The following OR2M4 variants were observed in gnomAD, a reference collection of about 807,000 sequenced individuals.
OR2M4 encodes olfactory receptor family 2 subfamily M member 4, also known as olfactory receptor 2M4.
Under a neutral mutation model 13.7 loss-of-function variants are expected in OR2M4, and 8 were observed. That is an observed-to-expected ratio of 0.58 (90% CI 0.34 to 1.05). The LOEUF (loss-of-function observed/expected upper bound fraction) is 1.05, where lower values mean the gene tolerates loss of function less well. Ranked by LOEUF, OR2M4 falls within the 50% of genes least tolerant of loss-of-function variation. The pLI is 0.02. For missense variants in OR2M4, 374 were observed against 381.6 expected, an observed-to-expected ratio of 0.98 and a Z score of 0.17; for synonymous variants, 152 against 141.3, an observed-to-expected ratio of 1.08 and a Z score of -0.53.
chr1:248,235,685 G>GAGGGCCC, intron 1 of OR2M4, among the ~76,000 whole-genome samples: 1 of 152,182 alleles, frequency 6.6e-6, no homozygotes, highest in Non-Finnish European at 1.5e-5. Context: ...TTGAGCAGTG[G>GAGGGCCC]TTTGCAGTTC....
chr1:248,232,858 C>A (rs74155235), intron 1 of OR2M4, among the ~76,000 whole-genome samples: 5,160 of 152,106 alleles, frequency 0.034, 250 homozygotes, highest in African/African-American at 0.11. Context: ...CTCTACATCT[C>A]TGCAGGATTA....
In OR2M4 at chr1:248,239,493, T is replaced by G; in HGVS notation, c.565T>G (p.Cys189Gly). Residue 189 changes from cysteine (C) to glycine (G), a missense_variant, in exon 2 of 2, where the codon TGC becomes GGC. By Grantham distance (159) the Cys-to-Gly change is radical. Coordinates refer to ENST00000641868, the MANE Select transcript of OR2M4 (RefSeq NM_017504.2). ...TGTTGCTGCCCTTTTACCTCTATCCTGCACAGAAACATCTGCATTTGAAAG... is the reference window on the plus strand; with the variant it reads ...TGTTGCTGCCCTTTTACCTCTATCCGGCACAGAAACATCTGCATTTGAAAG... The part of the protein sequence containing the change: ...CDVAALLPLS[C>G]TETSAFERLL... 1 of 1,614,154 alleles carries G rather than the reference T, an allele frequency of 6.2e-7. No homozygotes were observed.
rs1475390544 is a variant in OR2M4, at chr1:248,243,369, C to T, written c.*3505C>T. 6.6e-6 allele frequency: 1 copy of T among 152,140 alleles called. No individual in the cohort carries two copies. Among genetic ancestry groups the T allele is most frequent in the African/African-American group, 2.4e-5 (1 of 41,406 alleles). 9.4% of individuals were successfully genotyped at this position (152,140 alleles called of 1,614,324 possible). On this transcript the variant is annotated 3_prime_UTR_variant, in exon 2 of 2. Coordinates refer to ENST00000641868, the MANE Select transcript of OR2M4 (RefSeq NM_017504.2). ...CGGCCACTTGGCTCTTTCGTGTTTC[C>T]TGGCATTCGCAGGCACGCTGTCCGG...
intron 1 of OR2M4, among the ~76,000 whole-genome samples, chr1:248,234,739 G>A (rs960179440): frequency 1.3e-5 from 2 of 149,218 alleles, no homozygotes; most frequent in Non-Finnish European, 1.5e-5. Flanking sequence ...TGGTTTTGAT[G>A]TGCATTTCTC....
chr1:248,238,141 A>G (rs1666576816), intron 1 of OR2M4, among the ~76,000 whole-genome samples: 1 of 152,234 alleles, frequency 6.6e-6, no homozygotes, highest in Non-Finnish European at 1.5e-5. Context: ...TACAACTTTA[A>G]TGTATCAACT....
In OR2M4 at chr1:248,239,629, G is replaced by T; in HGVS notation, c.701G>T (p.Arg234Leu). 2 of 1,613,976 alleles carry T rather than the reference G, an allele frequency of 1.2e-6. No individual in the cohort carries two copies. Among genetic ancestry groups the T allele is most frequent in the Non-Finnish European group, 1.7e-6 (2 of 1,180,002 alleles). ...AVIHMGSGES[R>L]RKAFTTCSSH... ...ATCCACATGGGCTCTGGGGAAAGTC[G>T]TCGCAAGGCCTTCACTACCTGCTCC... is the stretch of plus-strand genomic sequence containing the variant. The change falls in exon 2 of 2, where the codon CGT becomes CTT. Residue 234 changes from arginine (R) to leucine (L), a missense_variant. By Grantham distance (102) the Arg-to-Leu change is moderately radical. Transcript: ENST00000641868.
chr1:248,242,758 T>A lies in OR2M4; in HGVS notation c.*2894T>A, dbSNP rs1572808703. ...CTTATCTGTGATCTACTAAGAGAAG[T>A]ATGAAAATTGAGCTTGAAATGGAAA... On this transcript the variant is annotated 3_prime_UTR_variant, in exon 2 of 2. Transcript: ENST00000641868. The A allele has an allele frequency of 4.6e-5, 7 of 152,286 alleles. 1 individual carries two copies. In the South Asian group the frequency reaches 1.4e-3, roughly 32 times the overall value. 9.4% of individuals were successfully genotyped at this position (152,286 alleles called of 1,614,324 possible).
rs373280040 is a variant in OR2M4, at chr1:248,239,215, G to T, written c.287G>T (p.Gly96Val). Residue 96 changes from glycine to valine, a missense_variant, in exon 2 of 2, where the codon GGT (glycine) becomes GTT (valine). By Grantham distance (109) the Gly-to-Val change is moderately radical. Coordinates refer to ENST00000641868, the MANE Select transcript of OR2M4 (RefSeq NM_017504.2). ...LSGKKSISLA[G>V]CGTQIFFYVS... ...GGGAAGAAATCTATCTCTCTGGCAG[G>T]TTGTGGAACTCAGATATTCTTCTAT... 6.2e-7 allele frequency: 1 copy of T among 1,614,154 alleles called. No individual in the cohort carries two copies.
In OR2M4 at chr1:248,242,901, A is replaced by C. The variant is rs1255708263; in HGVS notation, c.*3037A>C. 1 of 152,210 alleles carries C rather than the reference A, an allele frequency of 6.6e-6. No individual in the cohort carries two copies. Among genetic ancestry groups the C allele is most frequent in the Admixed American group, 6.5e-5 (1 of 15,286 alleles). The allele number at this position is 152,210 out of a possible 1,614,324, so 9.4% of individuals were successfully genotyped here. ...TGCAAAATCTACAAGAAACATTTGAAAACAATTTTGATATTGATGAATTTA... is the reference window on the plus strand; with the variant it reads ...TGCAAAATCTACAAGAAACATTTGACAACAATTTTGATATTGATGAATTTA... On this transcript the variant is annotated 3_prime_UTR_variant, in exon 2 of 2. Coordinates refer to ENST00000641868, the MANE Select transcript of OR2M4 (RefSeq NM_017504.2).
At chr1:248,234,586 T>C (rs775243609) in intron 1 of OR2M4, among the ~76,000 whole-genome samples, 7 of 152,190 alleles carry the variant, frequency 4.6e-5, no homozygotes, top group Non-Finnish European at 8.8e-5. Context: ...GGTTGCCTGT[T>C]TGCCCTGATG....
chr1:248,235,442 G>A (rs1207011910), intron 1 of OR2M4, among the ~76,000 whole-genome samples: 2 of 152,114 alleles, frequency 1.3e-5, no homozygotes, highest in Admixed American at 6.5e-5. Context: ...GTAGTGTGAT[G>A]CCTCCAGCTT....
rs1327827199 is a variant in OR2M4 at position 248,239,763 on chromosome 1, A to G, written c.835A>G (p.Thr279Ala). The G allele has an allele frequency of 1.2e-6, 2 of 1,614,052 alleles. No individual in the cohort carries two copies. Among genetic ancestry groups the G allele is most frequent in the South Asian group, 1.1e-5 (1 of 91,076 alleles). Residue 279 changes from threonine to alanine, a missense_variant, in exon 2 of 2, where the codon ACT (threonine) becomes GCT (alanine). Thr to Ala is a moderately conservative substitution (Grantham distance 58, BLOSUM62 0). Transcript: ENST00000641868. The stretch of plus-strand genomic sequence containing the variant: ...GGACAAGATGGTGTCGGCCTTCTAC[A>G]CTATTCTCACCCCTATGCTGAACCC... Reference protein sequence around the residue: ...DQDKMVSAFYTILTPMLNPLI... With the variant: ...DQDKMVSAFYAILTPMLNPLI...
intron 1 of OR2M4, among the ~76,000 whole-genome samples, chr1:248,238,231 GA>G (rs1404660329): frequency 6.6e-6 from 1 of 152,028 alleles, no homozygotes; most frequent in African/African-American, 2.4e-5. Flanking sequence ...GAATTGGAAG[GA>G]AAAAAATTAT....
Position 248,239,535 on chromosome 1 carries a change from T to G in OR2M4, c.607T>G (p.Cys203Gly), listed in dbSNP as rs758086235. ...ATTTGAAAGACTACTTGTCATTTGT[T>G]GTGTGGTAATGCTAATCTTTCCAGT... is the stretch of plus-strand genomic sequence containing the variant. ...SAFERLLVIC[C>G]VVMLIFPVSV... Residue 203 changes from cysteine to glycine, a missense_variant, in exon 2 of 2, where the codon TGT becomes GGT. Cys to Gly is a radical substitution (Grantham distance 159). Transcript: ENST00000641868. The G allele has an allele frequency of 1.2e-6, 2 of 1,614,152 alleles. No individual in the cohort carries two copies. The highest frequency in any genetic ancestry group is 1.7e-6 in the Non-Finnish European group (2 of 1,180,020).
At position 248,239,041 on chromosome 1, in the gene OR2M4, C is replaced by CA. The variant is rs747804988; in HGVS notation, c.114dup (p.Leu39IlefsTer73). 6.2e-7 allele frequency: 1 copy of CA among 1,613,836 alleles called. No individual in the cohort carries two copies. The highest frequency in any genetic ancestry group is 1.1e-5 in the South Asian group (1 of 91,070). Reference sequence around the variant, plus strand: ...CTGGTCCTGGGCATCTTCTCACTGGCATTGATGGAAAATATTTCCATGGTT... The same window carrying CA: ...CTGGTCCTGGGCATCTTCTCACTGGCAATTGATGGAAAATATTTCCATGGTT... On this transcript the variant is annotated frameshift_variant, in exon 2 of 2. Transcript: ENST00000641868. LOFTEE classifies it high-confidence loss of function.
chr1:248,243,570 C>G lies in OR2M4; in HGVS notation c.*3706C>G, dbSNP rs892868943. The G allele has an allele frequency of 2.6e-5, 4 of 152,144 alleles. No homozygotes were observed. Among genetic ancestry groups the G allele is most frequent in the African/African-American group, 4.8e-5 (2 of 41,414 alleles). 9.4% of individuals were successfully genotyped at this position (152,144 alleles called of 1,614,324 possible). A position where few individuals can be genotyped will look rare whatever the true frequency, so the allele number is the denominator to read the frequency against. ...CTTTCAGCATGTACAGAAATTAACT[C>G]GAGATGGATTAAAGACTTAAACGTA... On this transcript the variant is annotated 3_prime_UTR_variant, in exon 2 of 2. Transcript: ENST00000641868.
chr1:248,237,343 A>T (rs1666567987), intron 1 of OR2M4, among the ~76,000 whole-genome samples: 1 of 152,138 alleles, frequency 6.6e-6, no homozygotes, highest in African/African-American at 2.4e-5. Context: ...GATAAAATCC[A>T]ACATCGCTTC....
At position 248,238,890 on chromosome 1, in the gene OR2M4, A is replaced by G. The variant is rs1361489125; in HGVS notation, c.-19-20A>G. On this transcript the variant is annotated intron_variant, in intron 1 of 1. Transcript: ENST00000641868. ...AAACTGAATTGATAAATAAGCTTGT[A>G]CCTTCTTTGGAATTCTCAGATAAGG... 1.5e-5 allele frequency: 21 copies of G among 1,414,670 alleles called. No individual in the cohort carries two copies. The highest frequency in any genetic ancestry group is 1.7e-5 in the Non-Finnish European group (17 of 1,030,150). The allele number at this position is 1,414,670 out of a possible 1,614,324, so 87.6% of individuals were successfully genotyped here.
chr1:248,243,548 T>C lies in OR2M4; in HGVS notation c.*3684T>C, dbSNP rs1055586331. ...AGGCCACAGCAGAGAGAGCTACCTT[T>C]CAGCATGTACAGAAATTAACTCGAG... is the stretch of plus-strand genomic sequence containing the variant. On this transcript the variant is annotated 3_prime_UTR_variant, in exon 2 of 2. Coordinates refer to ENST00000641868, the MANE Select transcript of OR2M4 (RefSeq NM_017504.2). 6.6e-6 allele frequency: 1 copy of C among 152,168 alleles called. No individual in the cohort carries two copies. Among genetic ancestry groups the C allele is most frequent in the Non-Finnish European group, 1.5e-5 (1 of 68,048 alleles). 9.4% of individuals were successfully genotyped at this position (152,168 alleles called of 1,614,324 possible).
Sources: allele counts gnomAD v4.1 joint callset (sites outside exome capture counted in the v4.1 genomes callset), GRCh38; gene constraint gnomAD v4.1.1; transcripts MANE v1.5; gene names NCBI Gene and HGNC (gene_info 2026-07-23, HGNC 2026-07-21).